PHLDB2: variants seen among roughly 807,000 people sequenced by gnomAD.
The protein encoded by PHLDB2 is pleckstrin homology like domain family B member 2.
Under a neutral mutation model 123.6 loss-of-function variants are expected in PHLDB2, and 71 were observed. The observed-to-expected ratio is 0.57, with a 90% CI of 0.47 to 0.70. The LOEUF is 0.70. Ranked by LOEUF, PHLDB2 falls within the 30% of genes least tolerant of loss-of-function variation. The pLI is 0.00. For missense variants in PHLDB2, 1,446 were observed against 1,519.5 expected, an observed-to-expected ratio of 0.95 and a Z score of 0.80; for synonymous variants, 547 against 541.6, an observed-to-expected ratio of 1.01 and a Z score of -0.14.
intron 1 of PHLDB2, among the ~76,000 whole-genome samples, chr3:111,799,483 C>T (rs2061302512): frequency 6.6e-6 from 1 of 152,044 alleles, no homozygotes; most frequent in African/African-American, 2.4e-5. Context: ...AAAATATAGA[C>T]TGATTTTCTA....
At chr3:111,890,462 C>T (rs1030407677) in intron 2 of PHLDB2, among the ~76,000 whole-genome samples, 1 of 152,210 alleles carries the variant, frequency 6.6e-6, no homozygotes, top group African/African-American at 2.4e-5. Flanking sequence ...GTCACTTGCA[C>T]ATTTTATTAG....
Position 111,760,449 on chromosome 3 carries a change from C to T in PHLDB2, c.-49+27746C>T, listed in dbSNP as rs563414154. 8.5e-5 allele frequency among the ~76,000 whole-genome samples: 13 copies of T among 152,240 alleles called. No individual in the cohort carries two copies. In the South Asian group the frequency reaches 2.7e-3, roughly 32 times the overall value. On this transcript the variant is annotated intron_variant, in intron 1 of 17. Coordinates refer to the PHLDB2 transcript ENST00000393923. Reference sequence around the variant, plus strand: ...CATAGCTTCCATTTTCTGTCAAAGTCAAATAAAATTTTCTACTATTTTTCA... The same window carrying T: ...CATAGCTTCCATTTTCTGTCAAAGTTAAATAAAATTTTCTACTATTTTTCA...
At chr3:111,757,641 G>T (rs984295123) in intron 1 of PHLDB2, among the ~76,000 whole-genome samples, 11 of 152,238 alleles carry the variant, frequency 7.2e-5, no homozygotes, top group Non-Finnish European at 1.3e-4. Context: ...TGGAGGAGGA[G>T]AGGCACTCTG....
chr3:111,858,234 A>G (rs1349023319), upstream of PHLDB2, among the ~76,000 whole-genome samples: 1 of 152,244 alleles, frequency 6.6e-6, no homozygotes, highest in Middle Eastern at 3.4e-3. Flanking sequence ...TGTTCTCATC[A>G]TAAGTGGGAG....
chr3:111,948,805 T>C lies in PHLDB2; in HGVS notation c.2488-127T>C, dbSNP rs2070496793. 10 of 785,280 alleles carry C rather than the reference T, an allele frequency of 1.3e-5. No homozygotes were observed. In the Admixed American group the frequency reaches 2.3e-4, roughly 18 times the overall value. 48.6% of individuals were successfully genotyped at this position (785,280 alleles called of 1,614,324 possible). On this transcript the variant is annotated intron_variant, in intron 9 of 17. Coordinates refer to ENST00000431670, the MANE Select transcript of PHLDB2 (RefSeq NM_001134438.2). Reference sequence around the variant, plus strand: ...TGCTGATTATTCCTTTAATGAAACATTTGATAATACCACAGATATCTGGCT... The same window carrying C: ...TGCTGATTATTCCTTTAATGAAACACTTGATAATACCACAGATATCTGGCT...
chr3:111,850,754 A>C (rs750017294), intron 2 of PHLDB2, among the ~76,000 whole-genome samples: 1 of 151,960 alleles, frequency 6.6e-6, no homozygotes, highest in Non-Finnish European at 1.5e-5. Context: ...AGAACAAGAC[A>C]TTGTCTTTAA....
At chr3:111,918,623 C>T (rs2068313620) in intron 3 of PHLDB2, among the ~76,000 whole-genome samples, 1 of 152,188 alleles carries the variant, frequency 6.6e-6, no homozygotes, top group Non-Finnish European at 1.5e-5. Context: ...TTGCAGATGT[C>T]CTCACCTGGA....
At chr3:111,886,968 A>T (rs961337331) in intron 2 of PHLDB2, among the ~76,000 whole-genome samples, 1 of 152,218 alleles carries the variant, frequency 6.6e-6, no homozygotes, top group Admixed American at 6.5e-5. Context: ...CCAGAATATT[A>T]ACTTCTATCC....
At chr3:111,855,318 C>T (rs962079524), upstream of PHLDB2, among the ~76,000 whole-genome samples, 3 of 152,070 alleles carry the variant, frequency 2.0e-5, no homozygotes, top group Non-Finnish European at 4.4e-5. Flanking sequence ...AATGGCAGAG[C>T]GCAGGCAGGA....
At chr3:111,935,543 A>AT (rs74916346) in intron 6 of PHLDB2, among the ~76,000 whole-genome samples, 3 of 151,500 alleles carry the variant, frequency 2.0e-5, no homozygotes, top group South Asian at 2.1e-4. Flanking sequence ...AGATAGATAG[A>AT]AGGGGAGTTC....
At chr3:111,760,049 G>T (rs1044263868) in intron 1 of PHLDB2, among the ~76,000 whole-genome samples, 3 of 152,332 alleles carry the variant, frequency 2.0e-5, no homozygotes, top group Admixed American at 2.0e-4. Context: ...TTATGCAAAA[G>T]CATTTCAGGG....
chr3:111,924,226 G>A (rs1337669297), intron 5 of PHLDB2, among the ~76,000 whole-genome samples: 1 of 152,096 alleles, frequency 6.6e-6, no homozygotes, highest in Non-Finnish European at 1.5e-5. Flanking sequence ...TCCAGTTCGG[G>A]TTAGATTTTC....
intron 1 of PHLDB2, among the ~76,000 whole-genome samples, chr3:111,736,462 A>T (rs1037786370): frequency 6.6e-6 from 1 of 152,184 alleles, no homozygotes; most frequent in Admixed American, 6.5e-5. Flanking sequence ...CTTTCAGATA[A>T]GGAACCTGAG....
chr3:111,932,339 C>T lies in PHLDB2; in HGVS notation c.2072C>T (p.Thr691Ile). The stretch of plus-strand genomic sequence containing the variant: ...CAGGAGCTTTACTCCGAGCAGAAGA[C>T]CCAGCTGGACAATTGTCCTGAGTCC... The part of the protein sequence containing the change: ...RLQELYSEQK[T>I]QLDNCPESMR... The change falls in exon 6 of 18, where the codon ACC (threonine) becomes ATC (isoleucine). Residue 691 changes from threonine (T) to isoleucine (I), a missense_variant. Physicochemically the swap from Thr to Ile is moderately conservative, Grantham distance 89. Around this residue, in one of 3 missense-constraint regions of PHLDB2, gnomAD observed 20 missense variants for 41.6 expected, o/e 0.48. Transcript: ENST00000431670. The T allele has an allele frequency of 6.4e-7, 1 of 1,551,694 alleles. No homozygotes were observed. The highest frequency in any genetic ancestry group is 2.4e-5 in the East Asian group (1 of 40,902).
chr3:111,866,761 T>C (rs1196167984), intron 1 of PHLDB2, among the ~76,000 whole-genome samples: 1 of 152,028 alleles, frequency 6.6e-6, no homozygotes, highest in East Asian at 1.9e-4. Context: ...TAAAGAAGAG[T>C]ATCTGAAGTT....
chr3:111,903,311 C>T (rs894581927), intron 2 of PHLDB2, among the ~76,000 whole-genome samples: 5 of 152,104 alleles, frequency 3.3e-5, no homozygotes, highest in African/African-American at 1.2e-4. Flanking sequence ...GAGGGTAGTT[C>T]TTTCTAGAAG....
At chr3:111,851,392 C>CCTGCTCATGTGTATTT in intron 2 of PHLDB2, among the ~76,000 whole-genome samples, 1 of 152,054 alleles carries the variant, frequency 6.6e-6, no homozygotes, top group African/African-American at 2.4e-5. Context: ...CCAAAATGGG[C>CCTGCTCATGTGTATTT]CTGCTCATGT....
chr3:111,968,541 G>A (rs1196305505), intron 15 of PHLDB2, among the ~76,000 whole-genome samples: 1 of 152,192 alleles, frequency 6.6e-6, no homozygotes, highest in Admixed American at 6.5e-5. Context: ...TAAGTACTAT[G>A]TAATTTAAAG....
upstream of PHLDB2, among the ~76,000 whole-genome samples, chr3:111,858,411 G>C (rs1276410270): frequency 6.6e-6 from 1 of 152,154 alleles, no homozygotes; most frequent in Non-Finnish European, 1.5e-5. Context: ...CATGGCACAT[G>C]TATACCTGTG....
Sources: gnomAD v4.1 joint callset for allele counts (sites outside exome capture counted in the v4.1 genomes callset) on GRCh38, gnomAD v4.1.1 for gene constraint, gnomAD v4.1.1 regional missense constraint, MANE v1.5 for transcripts, NCBI Gene and HGNC (gene_info 2026-07-23, HGNC 2026-07-21) for gene names.